Variants in FRMPD4 observed in about 807,000 individuals in gnomAD.
FRMPD4 encodes FERM and PDZ domain containing 4.
FRMPD4 carries 22 observed loss-of-function variants against 94.1 expected under a neutral mutation model. The observed-to-expected ratio is 0.23, with a 90% CI of 0.17 to 0.33. The LOEUF (loss-of-function observed/expected upper bound fraction) is 0.33. Among genes scored for constraint, FRMPD4 ranks in the 10% least tolerant of loss-of-function variants. FRMPD4 has a pLI of 1.00. For synonymous variants in FRMPD4, 631 were observed against 548.6 expected (o/e 1.15, Z -2.10); for missense variants, 1,111 against 1,339.9 (o/e 0.83, Z 2.67).
intron 1 of FRMPD4, among the ~76,000 whole-genome samples, chrX:12,304,104 G>C: frequency 9.1e-6 from 1 of 110,109 alleles, no homozygotes; most frequent in East Asian, 2.9e-4. Context: ...TGACATGATT[G>C]ATTTATTTAT....
At chrX:12,072,849 G>A (rs1034824702) in intron 3 of FRMPD4, among the ~76,000 whole-genome samples, 57 of 110,276 alleles carry the variant, frequency 5.2e-4, no homozygotes, top group African/African-American at 1.5e-3. Context: ...TCCCCATCCC[G>A]TTCCACTCTT....
At chrX:12,406,502 G>C (rs1234904969) in intron 1 of FRMPD4, among the ~76,000 whole-genome samples, 1 of 111,888 alleles carries the variant, frequency 8.9e-6, no homozygotes, top group Non-Finnish European at 1.9e-5. Flanking sequence ...CTTGCCCTTG[G>C]GGCAATGCAG....
chrX:12,357,016 C>A (rs1282671622), intron 1 of FRMPD4, among the ~76,000 whole-genome samples: 1 of 112,150 alleles, frequency 8.9e-6, no homozygotes, highest in Non-Finnish European at 1.9e-5. Context: ...TAATAAAATT[C>A]TTCCAGAAAG....
chrX:12,398,498 A>G (rs1428517740), intron 1 of FRMPD4, among the ~76,000 whole-genome samples: 1 of 111,347 alleles, frequency 9.0e-6, no homozygotes, highest in Non-Finnish European at 1.9e-5. Context: ...CAGATACTGC[A>G]TGGTTCTAGG....
intron 1 of FRMPD4, among the ~76,000 whole-genome samples, chrX:11,858,387 A>G (rs1455572966): frequency 1.8e-5 from 2 of 111,442 alleles, no homozygotes; most frequent in Non-Finnish European, 3.8e-5. Context: ...AAAGAATGAG[A>G]TCATGTCCTT....
chrX:12,160,440 A>G (rs1378933054), intron 1 of FRMPD4, among the ~76,000 whole-genome samples: 4 of 111,505 alleles, frequency 3.6e-5, no homozygotes, highest in African/African-American at 1.3e-4. Context: ...CAAACCAGGT[A>G]ATCTACTTCT....
chrX:11,845,094 G>A (rs1291921819), intron 1 of FRMPD4, among the ~76,000 whole-genome samples: 1 of 112,004 alleles, frequency 8.9e-6, no homozygotes, highest in African/African-American at 3.2e-5. Flanking sequence ...TTGAGTTATT[G>A]ATATCATACT....
At chrX:12,143,445 C>T (rs1318549423) in intron 1 of FRMPD4, among the ~76,000 whole-genome samples, 1 of 112,724 alleles carries the variant, frequency 8.9e-6, no homozygotes, top group Admixed American at 9.3e-5. Flanking sequence ...CTGCATTTGC[C>T]TGACAACAGC....
intron 8 of FRMPD4, among the ~76,000 whole-genome samples, chrX:12,691,843 G>A (rs1212817427): frequency 9.1e-6 from 1 of 110,241 alleles, no homozygotes; most frequent in Non-Finnish European, 1.9e-5. Context: ...CCACCGAGAG[G>A]CGAGGGAGCT....
At chrX:12,232,857 G>A (rs1170488511) in intron 1 of FRMPD4, among the ~76,000 whole-genome samples, 1 of 112,052 alleles carries the variant, frequency 8.9e-6, no homozygotes, top group Non-Finnish European at 1.9e-5. Context: ...TAACAGTATA[G>A]TAGGAGTTAT....
chrX:11,922,754 C>T (rs1220418134), intron 3 of FRMPD4, among the ~76,000 whole-genome samples: 2 of 112,578 alleles, frequency 1.8e-5, no homozygotes, highest in Admixed American at 9.3e-5. Context: ...CCAGAGGGTT[C>T]GGTGTGGGAG....
rs190895705 is a variant in FRMPD4 at position 11,994,121 on chromosome X, A to G, written c.95+116103A>G. ...TGTCTAGGGATTTTTTGTTTTCACA[A>G]TTGCACGAAGGGGTGCAATTGGCAT... On this transcript the variant is annotated intron_variant, in intron 3 of 18. Transcript: ENST00000640291. Among the ~76,000 whole-genome samples the G allele has an allele frequency of 7.6e-4, 84 of 110,669 alleles. 1 individual carries two copies. Among genetic ancestry groups the G allele is most frequent in the Middle Eastern group, 9.2e-3 (2 of 218 alleles).
intron 1 of FRMPD4, among the ~76,000 whole-genome samples, chrX:12,298,903 G>T (rs1427052827): frequency 8.9e-6 from 1 of 111,990 alleles, no homozygotes; most frequent in East Asian, 2.8e-4. Context: ...AGCCAGATGG[G>T]CGATAGAGGA....
In FRMPD4 at chrX:12,182,577, A is replaced by ATAT. The variant is rs1569182706; in HGVS notation, c.41+43565_41+43566insTAT. Among the ~76,000 whole-genome samples, 20 of 107,179 alleles carry ATAT rather than the reference A, an allele frequency of 1.9e-4. No homozygotes were observed. The East Asian group carries it at 2.4e-3, about 13-fold the overall frequency. 93.1% of individuals were successfully genotyped at this position (107,179 alleles called of 115,157 possible). A position where few individuals can be genotyped will look rare whatever the true frequency, so the allele number is the denominator to read the frequency against. ...GAGGGGGAAAATAAATAAATAAATA[A>ATAT]ATATATATATATATGTCATCACTTT... On this transcript the variant is annotated intron_variant, in intron 1 of 16. Transcript: ENST00000675598.
At chrX:12,521,812 A>T (rs2058164080) in intron 2 of FRMPD4, among the ~76,000 whole-genome samples, 1 of 111,124 alleles carries the variant, frequency 9.0e-6, no homozygotes, top group Non-Finnish European at 1.9e-5. Flanking sequence ...GAGAGATAGG[A>T]GGTAGAGCTG....
chrX:12,376,106 T>C (rs1424523186), intron 1 of FRMPD4, among the ~76,000 whole-genome samples: 1 of 112,259 alleles, frequency 8.9e-6, no homozygotes, highest in Non-Finnish European at 1.9e-5. Flanking sequence ...GGAGGCACTC[T>C]GGAAATGTTT....
intron 1 of FRMPD4, among the ~76,000 whole-genome samples, chrX:12,388,818 G>GATATATATAT (rs3068660): frequency 2.5e-3 from 150 of 60,679 alleles, no homozygotes; most frequent in African/African-American, 6.3e-3. Flanking sequence ...AAGAAAATGT[G>GATATATATAT]ATATATATAT....
chrX:12,345,566 T>C (rs1023002572), intron 1 of FRMPD4, among the ~76,000 whole-genome samples: 2 of 111,525 alleles, frequency 1.8e-5, no homozygotes, highest in Non-Finnish European at 3.8e-5. Flanking sequence ...TGGGGAACCT[T>C]TGCAATTCCT....
intron 4 of FRMPD4, among the ~76,000 whole-genome samples, chrX:12,636,233 C>T (rs1036056522): frequency 1.8e-5 from 2 of 111,721 alleles, no homozygotes; most frequent in African/African-American, 6.5e-5. Flanking sequence ...TATTAAAAGA[C>T]TCTTTTAATC....
Sources: gnomAD v4.1 joint callset for allele counts (sites outside exome capture counted in the v4.1 genomes callset) on GRCh38, gnomAD v4.1.1 for gene constraint, MANE v1.5 for transcripts, NCBI Gene and HGNC (gene_info 2026-07-23, HGNC 2026-07-21) for gene names.